SRBD1: variants seen among roughly 807,000 people sequenced by gnomAD.
SRBD1 encodes S1 RNA-binding domain-containing protein 1.
A neutral mutation model predicts 115.3 loss-of-function variants in SRBD1; 88 were observed. The ratio of observed to expected loss-of-function variants is 0.76; its 90% CI spans 0.64 to 0.91. The LOEUF (loss-of-function observed/expected upper bound fraction) is 0.91, where lower values mean the gene tolerates loss of function less well. SRBD1 is among the 40% of genes least tolerant of loss of function. The probability of loss-of-function intolerance (pLI) is 0.00; values close to 1 mark genes in which losing one functional copy is unlikely to be tolerated. For synonymous variants in SRBD1, 509 were observed against 407.7 expected (o/e 1.25, Z -2.99); for missense variants, 1,385 against 1,177.4 (o/e 1.18, Z -2.58).
At chr2:45,552,556 T>TAAAAAGAAAAACATAC (rs1179931998) in intron 11 of SRBD1, among the ~76,000 whole-genome samples, 3 of 151,858 alleles carry the variant, frequency 2.0e-5, no homozygotes, top group African/African-American at 7.3e-5. Flanking sequence ...GAGAAAACAA[T>TAAAAAGAAAAACATAC]AAAAAGAAAA....
chr2:45,583,178 A>G (rs1183911043), intron 5 of SRBD1, among the ~76,000 whole-genome samples: 2 of 151,716 alleles, frequency 1.3e-5, no homozygotes, highest in East Asian at 1.9e-4. Context: ...ATTCAAAATG[A>G]TCGATGGAAA....
intron 16 of SRBD1, among the ~76,000 whole-genome samples, chr2:45,445,286 T>G (rs1668787125): frequency 6.6e-6 from 1 of 152,122 alleles, no homozygotes; most frequent in Non-Finnish European, 1.5e-5. Context: ...GATGCAGATC[T>G]GTCACTTGAA....
intron 19 of SRBD1, among the ~76,000 whole-genome samples, chr2:45,412,768 A>G (rs1022829831): frequency 7.9e-5 from 12 of 152,204 alleles, no homozygotes; most frequent in African/African-American, 2.4e-4. Flanking sequence ...GTTTACTTTC[A>G]AAAGGGTTTT....
At chr2:45,391,663 C>G (rs951559667) in intron 20 of SRBD1, among the ~76,000 whole-genome samples, 1 of 152,174 alleles carries the variant, frequency 6.6e-6, no homozygotes, top group African/African-American at 2.4e-5. Context: ...TGATAGAACA[C>G]TGCAGTAAGT....
chr2:45,471,566 T>G (rs1669648076), intron 16 of SRBD1, among the ~76,000 whole-genome samples: 1 of 152,168 alleles, frequency 6.6e-6, no homozygotes, highest in African/African-American at 2.4e-5. Flanking sequence ...TTTTTACAAG[T>G]GCATTTTAAT....
At chr2:45,415,884 T>C (rs897478640) in intron 18 of SRBD1, among the ~76,000 whole-genome samples, 1 of 150,900 alleles carries the variant, frequency 6.6e-6, no homozygotes, top group Non-Finnish European at 1.5e-5. Context: ...GAGAGAAAGA[T>C]TGGGAAGGAT....
intron 16 of SRBD1, among the ~76,000 whole-genome samples, chr2:45,434,495 T>C (rs924908911): frequency 1.3e-5 from 2 of 152,202 alleles, no homozygotes; most frequent in Non-Finnish European, 2.9e-5. Context: ...TGCAGAGAAA[T>C]AAAGTCAGTT....
At chr2:45,479,611 C>A (rs1669902006) in intron 15 of SRBD1, among the ~76,000 whole-genome samples, 1 of 152,180 alleles carries the variant, frequency 6.6e-6, no homozygotes, top group Non-Finnish European at 1.5e-5. Flanking sequence ...CTGAAAACAG[C>A]AAAGGCTGGT....
At chr2:45,499,462 G>A (rs1486302719) in intron 14 of SRBD1, among the ~76,000 whole-genome samples, 1 of 152,098 alleles carries the variant, frequency 6.6e-6, no homozygotes, top group Non-Finnish European at 1.5e-5. Context: ...TCTTCACTTT[G>A]TTGACTGTTT....
At chr2:45,482,905 C>T (rs1194603567) in intron 15 of SRBD1, among the ~76,000 whole-genome samples, 1 of 152,036 alleles carries the variant, frequency 6.6e-6, no homozygotes, top group Non-Finnish European at 1.5e-5. Context: ...ATACCTAATA[C>T]AATGTAAATG....
At chr2:45,515,860 C>T (rs1266790574) in intron 14 of SRBD1, among the ~76,000 whole-genome samples, 1 of 152,186 alleles carries the variant, frequency 6.6e-6, no homozygotes, top group African/African-American at 2.4e-5. Context: ...TTTCTATCAT[C>T]AGTAGGCAGG....
At position 45,527,348 on chromosome 2, in the gene SRBD1, C is replaced by T. The variant is rs113564907; in HGVS notation, c.1874+19384G>A. Among the ~76,000 whole-genome samples the T allele has an allele frequency of 5.0e-3, 760 of 151,716 alleles. 4 individuals are homozygous for T. The highest frequency in any genetic ancestry group is 7.1e-3 in the Non-Finnish European group (482 of 67,764). ...TACATAAATCGGTACAGTACAAAGG[C>T]GGCTATATATTAAATGTTATGGAAG... is the stretch of plus-strand genomic sequence containing the variant. On this transcript the variant is annotated intron_variant, in intron 14 of 20. Transcript: ENST00000263736.
At chr2:45,502,387 T>A (rs1572708669) in intron 14 of SRBD1, among the ~76,000 whole-genome samples, 2 of 152,208 alleles carry the variant, frequency 1.3e-5, no homozygotes, top group South Asian at 4.1e-4. Context: ...CACATGTATG[T>A]TTAATACAGC....
chr2:45,510,257 A>C (rs1670927479), intron 14 of SRBD1, among the ~76,000 whole-genome samples: 1 of 152,242 alleles, frequency 6.6e-6, no homozygotes, highest in African/African-American at 2.4e-5. Flanking sequence ...AAGAACCTGT[A>C]ACTAAAATTA....
intron 9 of SRBD1, among the ~76,000 whole-genome samples, chr2:45,565,464 T>C (rs1432183517): frequency 6.6e-6 from 1 of 152,178 alleles, no homozygotes; most frequent in Non-Finnish European, 1.5e-5. Context: ...CTTCACGCTA[T>C]ACATAAAAAT....
intron 12 of SRBD1, among the ~76,000 whole-genome samples, chr2:45,550,849 G>C (rs911326256): frequency 5.3e-5 from 8 of 152,078 alleles, no homozygotes; most frequent in Non-Finnish European, 1.2e-4. Flanking sequence ...GAATCTGATG[G>C]GGAATTAATA....
intron 16 of SRBD1, among the ~76,000 whole-genome samples, chr2:45,424,528 C>A (rs1200654399): frequency 6.6e-6 from 1 of 152,068 alleles, no homozygotes; most frequent in South Asian, 2.1e-4. Context: ...TAAGTTAAAT[C>A]TGTTCTAAAT....
chr2:45,610,155 CAAACCA>C (rs1674399777), intron 1 of SRBD1, among the ~76,000 whole-genome samples: 1 of 152,096 alleles, frequency 6.6e-6, no homozygotes. Context: ...GAGCATATTC[CAAACCA>C]ATAATTTGGA....
chr2:45,582,199 G>T (rs1414374875), intron 5 of SRBD1, among the ~76,000 whole-genome samples: 1 of 152,066 alleles, frequency 6.6e-6, no homozygotes, highest in Non-Finnish European at 1.5e-5. Flanking sequence ...GTCTCTCCTT[G>T]ATTTTCTTCT....
Sources: gnomAD v4.1 joint callset for allele counts (sites outside exome capture counted in the v4.1 genomes callset) on GRCh38, gnomAD v4.1.1 for gene constraint, MANE v1.5 for transcripts, NCBI Gene and HGNC (gene_info 2026-07-23, HGNC 2026-07-21) for gene names.